The following SPIDR variants were observed in gnomAD, a reference collection of about 807,000 sequenced individuals.
SPIDR encodes DNA repair-scaffolding protein.
In SPIDR, 93 loss-of-function variants were observed where a neutral mutation model predicts 104.6. That is an observed-to-expected ratio of 0.89 (90% CI 0.75 to 1.06). The LOEUF (loss-of-function observed/expected upper bound fraction) is 1.06. SPIDR is among the 50% of genes least tolerant of loss of function. The pLI, the probability that SPIDR is intolerant of heterozygous loss-of-function variation, is 0.00. For missense variants in SPIDR, 1,154 were observed against 1,111.2 expected, an observed-to-expected ratio of 1.04 and a Z score of -0.55; for synonymous variants, 431 against 416.9, an observed-to-expected ratio of 1.03 and a Z score of -0.41.
chr8:47,326,617 C>A (rs2047705088), intron 5 of SPIDR, among the ~76,000 whole-genome samples: 1 of 152,172 alleles, frequency 6.6e-6, no homozygotes, highest in South Asian at 2.1e-4. Context: ...TTCCGTATTC[C>A]CCACCTCATC....
chr8:47,275,132 G>T (rs574963014), intron 1 of SPIDR, among the ~76,000 whole-genome samples: 1 of 151,470 alleles, frequency 6.6e-6, no homozygotes, highest in African/African-American at 2.4e-5. Flanking sequence ...GGTGGGGGGC[G>T]CCTGTAGTCC....
chr8:47,327,502 G>A (rs2047885099), intron 5 of SPIDR, among the ~76,000 whole-genome samples: 1 of 151,746 alleles, frequency 6.6e-6, no homozygotes, highest in Non-Finnish European at 1.5e-5. Flanking sequence ...CCAGGCTCAG[G>A]TAATTCTCCC....
intron 5 of SPIDR, among the ~76,000 whole-genome samples, chr8:47,298,627 T>A (rs1563521149): frequency 6.6e-6 from 1 of 152,226 alleles, no homozygotes; most frequent in South Asian, 2.1e-4. Flanking sequence ...AATTAATTTT[T>A]GTATAAGGTG....
Position 47,713,621 on chromosome 8 carries a change from A to T in SPIDR, c.2321A>T (p.Asn774Ile). The T allele has an allele frequency of 6.2e-7, 1 of 1,613,898 alleles. No individual in the cohort carries two copies. The highest frequency in any genetic ancestry group is 1.7e-4 in the Middle Eastern group (1 of 6,034). ...LDSLDSATPVNSICSVQGTVV... is the reference protein window; with the variant it reads ...LDSLDSATPVISICSVQGTVV... The stretch of plus-strand genomic sequence containing the variant: ...AGCCTGGACTCTGCAACACCTGTCA[A>T]CTCCATCTGCAGTGTTCAAGGTAGG... The change falls in exon 16 of 20, where the codon AAC becomes ATC. Residue 774 changes from asparagine (N) to isoleucine (I), a missense_variant. Asn to Ile is a moderately radical substitution (Grantham distance 149). Coordinates refer to ENST00000297423, the MANE Select transcript of SPIDR (RefSeq NM_001080394.4).
At chr8:47,599,374 A>T (rs1175363766) in intron 10 of SPIDR, among the ~76,000 whole-genome samples, 178 bp downstream of exon 10, 1 of 152,200 alleles carries the variant, frequency 6.6e-6, no homozygotes, top group Non-Finnish European at 1.5e-5. Flanking sequence ...GATTTTATCT[A>T]TCTATTTAAT....
intron 5 of SPIDR, among the ~76,000 whole-genome samples, chr8:47,387,124 A>C (rs1422194184): frequency 2.0e-5 from 3 of 152,132 alleles, no homozygotes; most frequent in African/African-American, 7.2e-5. Flanking sequence ...GGAATGAGGA[A>C]GCATATTCTA....
intron 8 of SPIDR, among the ~76,000 whole-genome samples, chr8:47,572,673 AAAATAAATAAATAAATAAAT>A (rs56105115): frequency 2.7e-5 from 4 of 145,808 alleles, no homozygotes; most frequent in Admixed American, 6.9e-5. Context: ...AAATTAAATT[AAAATAAATAAATAAATAAAT>A]AAATAAATAA....
At chr8:47,465,059 T>G (rs1190653737) in intron 8 of SPIDR, among the ~76,000 whole-genome samples, 1 of 152,122 alleles carries the variant, frequency 6.6e-6, no homozygotes, top group Non-Finnish European at 1.5e-5. Flanking sequence ...CCACCGGGCC[T>G]GACCACTCAA....
chr8:47,433,822 T>G (rs2067787795), intron 7 of SPIDR, among the ~76,000 whole-genome samples: 1 of 152,256 alleles, frequency 6.6e-6, no homozygotes, highest in Non-Finnish European at 1.5e-5. Flanking sequence ...TAGGGTATAC[T>G]GTGAACATTA....
Position 47,260,965 on chromosome 8 carries a change from C to T in SPIDR, c.7C>T (p.Arg3Cys), listed in dbSNP as rs201653966. 1.2e-5 allele frequency: 15 copies of T among 1,229,534 alleles called. No homozygotes were observed. In the East Asian group the frequency reaches 1.6e-4, roughly 13 times the overall value. The allele number at this position is 1,229,534 out of a possible 1,614,324, so 76.2% of individuals were successfully genotyped here. A position where few individuals can be genotyped will look rare whatever the true frequency, so the allele number is the denominator to read the frequency against. The change falls in exon 1 of 20, where the codon CGC becomes TGC. Residue 3 changes from arginine to cysteine, a missense_variant. Transcript: ENST00000297423. The part of the protein sequence containing the change: MP[R>C]GSRARGSKRK... ...TCAGGCGGCGCTCCCGGAGATGCCC[C>T]GCGGCAGCCGCGCTCGGGGCTCTAA...
Position 47,375,477 on chromosome 8 carries a change from T to C in SPIDR, c.526-20899T>C, listed in dbSNP as rs543109316. ...AGCTGGTCTCGAACTCCTGACCTCA[T>C]GATCTGCCCGCCTCGGCCTCCCAAA... On this transcript the variant is annotated intron_variant, in intron 5 of 19. Coordinates refer to ENST00000297423, the MANE Select transcript of SPIDR (RefSeq NM_001080394.4). Among the ~76,000 whole-genome samples, 7 of 151,370 alleles carry C rather than the reference T, an allele frequency of 4.6e-5. No individual in the cohort carries two copies. In the South Asian group the frequency reaches 1.3e-3, roughly 27 times the overall value.
intron 5 of SPIDR, among the ~76,000 whole-genome samples, chr8:47,328,420 T>G (rs10109691): frequency 6.6e-6 from 1 of 151,254 alleles, no homozygotes; most frequent in African/African-American, 2.4e-5. Context: ...GCTAATTATT[T>G]TTTTTTTTTT....
chr8:47,524,045 A>G (rs891081285), intron 8 of SPIDR, among the ~76,000 whole-genome samples: 1 of 152,238 alleles, frequency 6.6e-6, no homozygotes, highest in Non-Finnish European at 1.5e-5. Context: ...TATTTTAGAG[A>G]TGAATTAATT....
chr8:47,457,007 T>G (rs1554710208), intron 8 of SPIDR, among the ~76,000 whole-genome samples: 1 of 152,198 alleles, frequency 6.6e-6, no homozygotes, highest in African/African-American at 2.4e-5. Context: ...ACTCGTTGAT[T>G]GGTGGGCATT....
At chr8:47,331,550 A>G (rs1434001677) in intron 5 of SPIDR, among the ~76,000 whole-genome samples, 4 of 152,214 alleles carry the variant, frequency 2.6e-5, no homozygotes, top group East Asian at 1.9e-4. Flanking sequence ...GGCACTTACC[A>G]TGAATGGAGC....
intron 8 of SPIDR, among the ~76,000 whole-genome samples, chr8:47,486,899 C>T (rs1341863795): frequency 6.6e-6 from 1 of 152,146 alleles, no homozygotes; most frequent in Non-Finnish European, 1.5e-5. Context: ...CAAAAACATG[C>T]CAAATTGTAA....
At chr8:47,436,083 A>G (rs1209809410) in intron 7 of SPIDR, among the ~76,000 whole-genome samples, 1 of 152,222 alleles carries the variant, frequency 6.6e-6, no homozygotes, top group African/African-American at 2.4e-5. Context: ...AGCTGATGGC[A>G]GTGACAGTGG....
intron 3 of SPIDR, among the ~76,000 whole-genome samples, chr8:47,287,682 G>T (rs1403435947): frequency 3.3e-5 from 5 of 152,116 alleles, no homozygotes; most frequent in Non-Finnish European, 7.4e-5. Context: ...GCTGTATTCT[G>T]CCTGACCCCA....
intron 8 of SPIDR, chr8:47,546,863 A>G (rs1279613316): frequency 5.1e-6 from 2 of 394,616 alleles, no homozygotes; most frequent in Non-Finnish European, 9.8e-6. Context: ...GGTGAGGCGT[A>G]TACGTTTCCT....
Sources: allele counts gnomAD v4.1 joint callset (sites outside exome capture counted in the v4.1 genomes callset), GRCh38; gene constraint gnomAD v4.1.1; transcripts MANE v1.5; gene names NCBI Gene and HGNC (gene_info 2026-07-23, HGNC 2026-07-21).